Variants in HSD17B2 observed in about 807,000 individuals in gnomAD.
The protein encoded by HSD17B2 is 17-beta-hydroxysteroid dehydrogenase type 2.
HSD17B2 carries 32 observed loss-of-function variants against 26.9 expected under a neutral mutation model. The ratio of observed to expected loss-of-function variants is 1.19; its 90% confidence interval spans 0.90 to 1.60. The LOEUF is 1.60. Among genes scored for constraint, HSD17B2 ranks in the 40% most tolerant of loss-of-function variants. HSD17B2 has a pLI of 0.00. For synonymous variants in HSD17B2, 246 were observed against 186.7 expected (o/e 1.32, Z -2.59); for missense variants, 613 against 468.6 (o/e 1.31, Z -2.85).
chr16:82,048,192 G>A (rs1183092574), intron 1 of HSD17B2, among the ~76,000 whole-genome samples: 7 of 152,178 alleles, frequency 4.6e-5, no homozygotes, highest in Non-Finnish European at 4.4e-5. Flanking sequence ...TGAGAGACGA[G>A]TGTAGACAGA....
At chr16:82,052,326 T>C (rs536104786) in intron 1 of HSD17B2, 103 of 152,352 alleles carry the variant, frequency 6.8e-4, no homozygotes, top group African/African-American at 2.4e-3. Context: ...GCCCAGGCCT[T>C]TGCAAATAAT....
chr16:82,049,231 G>A (rs1289712259), intron 1 of HSD17B2, among the ~76,000 whole-genome samples: 1 of 152,182 alleles, frequency 6.6e-6, no homozygotes, highest in Admixed American at 6.5e-5. Flanking sequence ...AACCTATAGG[G>A]TAGCGGGGAG....
At chr16:82,075,617 T>G (rs1259369407) in intron 3 of HSD17B2, among the ~76,000 whole-genome samples, 3 of 152,044 alleles carry the variant, frequency 2.0e-5, no homozygotes, top group Non-Finnish European at 4.4e-5. Flanking sequence ...TTGGAGAACC[T>G]AGAAGAGATG....
chr16:82,090,977 G>C lies in HSD17B2; in HGVS notation c.740G>C (p.Arg247Thr). ...GTGACCATGTTCTCATCAGTTATGA[G>C]ACTGGAGCTTTCCAAGTGGGGAATT... ...AAVTMFSSVM[R>T]LELSKWGIKV... Residue 247 changes from arginine (R) to threonine (T), a missense_variant, in exon 4 of 5, where the codon AGA (arginine) becomes ACA (threonine). Arg to Thr is a moderately conservative substitution (Grantham distance 71). Coordinates refer to ENST00000199936, the MANE Select transcript of HSD17B2 (RefSeq NM_002153.3). 1 of 1,614,066 alleles carries C rather than the reference G, an allele frequency of 6.2e-7. No homozygotes were observed. The highest frequency in any genetic ancestry group is 8.5e-7 in the Non-Finnish European group (1 of 1,179,944).
At chr16:82,056,346 T>G (rs1162475633) in intron 1 of HSD17B2, 2 of 152,238 alleles carry the variant, frequency 1.3e-5, no homozygotes, top group Non-Finnish European at 2.9e-5. Context: ...CTTAACGTGT[T>G]TTTACAAGTG....
At chr16:82,070,862 G>T (rs760074043) in intron 2 of HSD17B2, 80 bp from the exon 3 acceptor site, 57 of 1,352,488 alleles carry the variant, frequency 4.2e-5, no homozygotes, top group Non-Finnish European at 4.1e-6. Flanking sequence ...AACACCTCTT[G>T]CATGGTCTTC....
chr16:82,068,212 A>G lies in HSD17B2; in HGVS notation c.308A>G (p.Asp103Gly). The G allele has an allele frequency of 6.2e-7, 1 of 1,614,012 alleles. No homozygotes were observed. The highest frequency in any genetic ancestry group is 8.5e-7 in the Non-Finnish European group (1 of 1,180,006). Reference protein sequence around the residue: ...GLGHALCKYLDELGFTVFAGV... With the variant: ...GLGHALCKYLGELGFTVFAGV... Reference sequence around the variant, plus strand: ...GGCCATGCTTTGTGCAAGTATCTGGATGAGCTGGGCTTCACGGTATTTGCC... The same window carrying G: ...GGCCATGCTTTGTGCAAGTATCTGGGTGAGCTGGGCTTCACGGTATTTGCC... Residue 103 changes from aspartate (D) to glycine (G), a missense_variant, in exon 2 of 5, where the codon GAT becomes GGT. Asp to Gly is a moderately conservative substitution (Grantham distance 94). Coordinates refer to ENST00000199936, the MANE Select transcript of HSD17B2 (RefSeq NM_002153.3).
In HSD17B2 at chr16:82,098,370, T is replaced by A. The variant is rs754173670; in HGVS notation, c.1098T>A (p.His366Gln). The A allele has an allele frequency of 6.2e-7, 1 of 1,614,076 alleles. No homozygotes were observed. Among genetic ancestry groups the A allele is most frequent in the Admixed American group, 1.7e-5 (1 of 60,026 alleles). Residue 366 changes from histidine (H) to glutamine (Q), a missense_variant, in exon 5 of 5, where the codon CAT (histidine) becomes CAA (glutamine). Coordinates refer to ENST00000199936, the MANE Select transcript of HSD17B2 (RefSeq NM_002153.3). Reference sequence around the variant, plus strand: ...TATATGATTACTTTGCTAAAAGACATTTTGGCCAAGACAAGCCCATGCCCA... The same window carrying A: ...TATATGATTACTTTGCTAAAAGACAATTTGGCCAAGACAAGCCCATGCCCA... ...IGIYDYFAKR[H>Q]FGQDKPMPRA... is the part of the protein sequence containing the mutation.
At chr16:82,073,386 G>A (rs1407610415) in intron 3 of HSD17B2, among the ~76,000 whole-genome samples, 3 of 151,894 alleles carry the variant, frequency 2.0e-5, no homozygotes, top group African/African-American at 7.3e-5. Context: ...ACCACACCTA[G>A]CTAATTTTTT....
At chr16:82,078,036 A>C (rs1054063069) in intron 3 of HSD17B2, among the ~76,000 whole-genome samples, 8 of 152,214 alleles carry the variant, frequency 5.3e-5, no homozygotes, top group Admixed American at 5.2e-4. Flanking sequence ...AAATGAGATC[A>C]CATCAAGTTA....
At chr16:82,054,471 A>G (rs1253629574) in intron 1 of HSD17B2, among the ~76,000 whole-genome samples, 1 of 152,062 alleles carries the variant, frequency 6.6e-6, no homozygotes, top group East Asian at 1.9e-4. Flanking sequence ...CAGCCTCCCA[A>G]GTAGCTGGGA....
intron 1 of HSD17B2, among the ~76,000 whole-genome samples, chr16:82,064,009 T>A (rs186117570): frequency 1.3e-5 from 2 of 152,068 alleles, no homozygotes; most frequent in East Asian, 3.9e-4. Flanking sequence ...GGGAAGGGAG[T>A]TCTTTGCAGT....
intron 4 of HSD17B2, chr16:82,095,526 T>A (rs1428062056): frequency 1.3e-5 from 2 of 152,694 alleles, no homozygotes; most frequent in African/African-American, 4.8e-5. Context: ...TGGCAGTAGC[T>A]ATTAAAATTC....
At chr16:82,053,380 G>C (rs1392555121) in intron 1 of HSD17B2, among the ~76,000 whole-genome samples, 4 of 152,134 alleles carry the variant, frequency 2.6e-5, no homozygotes, top group South Asian at 4.1e-4. Context: ...GAAATGAAAA[G>C]AGAAGATCGA....
chr16:82,061,915 T>G (rs377269749), intron 1 of HSD17B2, among the ~76,000 whole-genome samples: 2 of 152,226 alleles, frequency 1.3e-5, no homozygotes, highest in African/African-American at 2.4e-5. Context: ...CCAGGGCACA[T>G]GCATCCCAGC....
Position 82,098,180 on chromosome 16 carries a change from A to G in HSD17B2, c.908A>G (p.Gln303Arg), listed in dbSNP as rs1332605879. 1 of 1,614,144 alleles carries G rather than the reference A, an allele frequency of 6.2e-7. No homozygotes were observed. Among genetic ancestry groups the G allele is most frequent in the East Asian group, 2.2e-5 (1 of 44,872 alleles). ...TACGGCCAGGACTACATCTTAGCACAGCGGAATTTCCTCCTATTGATCAAC... is the reference window on the plus strand; with the variant it reads ...TACGGCCAGGACTACATCTTAGCACGGCGGAATTTCCTCCTATTGATCAAC... ...EDYGQDYILAQRNFLLLINSL... is the reference protein window; with the variant it reads ...EDYGQDYILARRNFLLLINSL... The change falls in exon 5 of 5, where the codon CAG becomes CGG. Residue 303 changes from glutamine (Q) to arginine (R), a missense_variant. By Grantham distance (43) the Gln-to-Arg change is conservative. Coordinates refer to ENST00000199936, the MANE Select transcript of HSD17B2 (RefSeq NM_002153.3).
chr16:82,082,991 AT>A (rs1245913894), intron 3 of HSD17B2, among the ~76,000 whole-genome samples: 1 of 152,182 alleles, frequency 6.6e-6, no homozygotes, highest in Non-Finnish European at 1.5e-5. Flanking sequence ...GTGTAAACAT[AT>A]GTTACCACCA....
intron 3 of HSD17B2, among the ~76,000 whole-genome samples, chr16:82,085,128 G>C (rs1429526067): frequency 6.6e-6 from 1 of 152,204 alleles, no homozygotes; most frequent in Non-Finnish European, 1.5e-5. Flanking sequence ...CACAGTTTCA[G>C]CCTTGAGTTC....
At chr16:82,096,769 T>G (rs1904852089) in intron 4 of HSD17B2, 1 of 152,146 alleles carries the variant, frequency 6.6e-6, no homozygotes, top group African/African-American at 2.4e-5. Flanking sequence ...ATTCATGGCA[T>G]TTTTATGCAA....
Sources: allele counts gnomAD v4.1 joint callset (sites outside exome capture counted in the v4.1 genomes callset), GRCh38; gene constraint gnomAD v4.1.1; transcripts MANE v1.5; gene names NCBI Gene and HGNC (gene_info 2026-07-23, HGNC 2026-07-21).